Variants in DPP6 observed in about 807,000 individuals in gnomAD.
DPP6 encodes the protein A-type potassium channel modulatory protein DPP6.
A neutral mutation model predicts 122.6 loss-of-function variants in DPP6; 69 were observed. That is an observed-to-expected ratio of 0.56 (90% confidence interval 0.46 to 0.69). The LOEUF is 0.69. Among genes scored for constraint, DPP6 ranks in the 30% least tolerant of loss-of-function variants. The probability of loss-of-function intolerance (pLI) is 0.00; values close to 1 mark genes in which losing one functional copy is unlikely to be tolerated. For synonymous variants in DPP6, 418 were observed against 433.1 expected, an observed-to-expected ratio of 0.97 and a Z score of 0.43; for missense variants, 928 against 1,116.9, an observed-to-expected ratio of 0.83 and a Z score of 2.41.
At chr7:154,729,366 A>C (rs1000365097) in intron 8 of DPP6, among the ~76,000 whole-genome samples, 2 of 152,196 alleles carry the variant, frequency 1.3e-5, no homozygotes, top group South Asian at 2.1e-4. Flanking sequence ...GGCTTTATGC[A>C]TCATAAATTA....
chr7:154,752,150 G>T (rs1189591920), intron 8 of DPP6, among the ~76,000 whole-genome samples: 1 of 152,174 alleles, frequency 6.6e-6, no homozygotes, highest in Non-Finnish European at 1.5e-5. Flanking sequence ...GTCTGCTTGG[G>T]TGGGGGAGCC....
chr7:154,602,055 T>G (rs1032149823), intron 5 of DPP6, among the ~76,000 whole-genome samples: 6 of 121,390 alleles, frequency 4.9e-5, no homozygotes, highest in African/African-American at 1.6e-4. Flanking sequence ...CTTCTGATTT[T>G]TGGTTCAATT....
chr7:153,765,692 A>G, the DPP6 span, among the ~76,000 whole-genome samples: 1 of 152,250 alleles, frequency 6.6e-6, no homozygotes, highest in Non-Finnish European at 1.5e-5. Context: ...TTGAGGTTTC[A>G]GCAGAGTAGT....
intron 1 of DPP6, among the ~76,000 whole-genome samples, chr7:153,891,606 A>T (rs1042782395): frequency 6.6e-6 from 1 of 151,906 alleles, no homozygotes; most frequent in African/African-American, 2.4e-5. Context: ...AGAGGTATAT[A>T]CTCTTGCAAT....
chr7:154,158,357 T>A (rs1289987011), intron 1 of DPP6, among the ~76,000 whole-genome samples: 2 of 151,830 alleles, frequency 1.3e-5, no homozygotes, highest in Non-Finnish European at 2.9e-5. Flanking sequence ...TTATTTTAAT[T>A]CTGCATTCTG....
intron 1 of DPP6, among the ~76,000 whole-genome samples, chr7:154,024,367 T>C (rs1351923654): frequency 1.3e-5 from 2 of 152,210 alleles, no homozygotes; most frequent in South Asian, 2.1e-4. Context: ...TTGATAGTAA[T>C]TGAATAAATT....
intron 17 of DPP6, among the ~76,000 whole-genome samples, chr7:154,865,960 C>T (rs1403817028): frequency 6.6e-6 from 1 of 152,178 alleles, no homozygotes; most frequent in Non-Finnish European, 1.5e-5. Context: ...AACACTGATA[C>T]CTTGGCGAGG....
Position 154,380,256 on chromosome 7 carries a change from A to G in DPP6, c.244-65958A>G, listed in dbSNP as rs531669230. 1.9e-4 allele frequency among the ~76,000 whole-genome samples: 29 copies of G among 152,332 alleles called. No individual in the cohort carries two copies. In the South Asian group the frequency reaches 6.0e-3, roughly 32 times the overall value. On this transcript the variant is annotated intron_variant, in intron 1 of 25. Coordinates refer to ENST00000377770, the MANE Select transcript of DPP6 (RefSeq NM_130797.4). ...GTAAGAGTAGGGTTGTGTTAGAATA[A>G]AAGAAGGTCCACATTGGGAAACACA...
intron 1 of DPP6, among the ~76,000 whole-genome samples, chr7:154,325,604 G>A (rs1808380657): frequency 6.6e-6 from 1 of 152,150 alleles, no homozygotes; most frequent in Admixed American, 6.5e-5. Context: ...AAGAAATAGA[G>A]CAACCTTTCT....
intron 1 of DPP6, among the ~76,000 whole-genome samples, chr7:154,256,016 C>T (rs1234324865): frequency 6.6e-6 from 1 of 152,084 alleles, no homozygotes. Flanking sequence ...ATGAAAAGCA[C>T]AAAATGCTTT....
intron 7 of DPP6, among the ~76,000 whole-genome samples, chr7:154,716,879 G>A (rs1308461037): frequency 1.3e-5 from 2 of 152,102 alleles, no homozygotes; most frequent in Non-Finnish European, 2.9e-5. Flanking sequence ...TGTTGCCCAG[G>A]CTGCAGTGCA....
At chr7:154,739,830 C>G (rs1326744784) in intron 8 of DPP6, among the ~76,000 whole-genome samples, 1 of 152,168 alleles carries the variant, frequency 6.6e-6, no homozygotes, top group African/African-American at 2.4e-5. Context: ...TGGGAGAAAC[C>G]CCAGTGTCCC....
chr7:154,077,673 A>T (rs1228158567), intron 1 of DPP6, among the ~76,000 whole-genome samples: 10 of 139,368 alleles, frequency 7.2e-5, no homozygotes, highest in African/African-American at 2.3e-4. Flanking sequence ...TATTATTATT[A>T]TTATTTTTTT....
At chr7:153,947,563 T>C (rs1802007082) in intron 1 of DPP6, among the ~76,000 whole-genome samples, 1 of 151,902 alleles carries the variant, frequency 6.6e-6, no homozygotes, top group Non-Finnish European at 1.5e-5. Context: ...GAAGCCTTCC[T>C]AAGGCAGTGG....
intron 3 of DPP6, among the ~76,000 whole-genome samples, chr7:154,511,916 A>C (rs994404356): frequency 6.6e-6 from 1 of 152,228 alleles, no homozygotes; most frequent in African/African-American, 2.4e-5. Context: ...TTAAGTTACG[A>C]GTGAAGCACA....
chr7:153,781,024 T>C, the DPP6 span, among the ~76,000 whole-genome samples: 1 of 152,232 alleles, frequency 6.6e-6, no homozygotes, highest in South Asian at 2.1e-4. Flanking sequence ...ACATATTTAT[T>C]ATAACTACTT....
rs1018839775 is a variant in DPP6, at chr7:154,618,163, A to C, written c.628-19658A>C. Reference sequence around the variant, plus strand: ...TGCTGGAAGGTTCCAGAGCTGTATGATCCCGGAATTGTACCCTGTGAAAAA... The same window carrying C: ...TGCTGGAAGGTTCCAGAGCTGTATGCTCCCGGAATTGTACCCTGTGAAAAA... On this transcript the variant is annotated intron_variant, in intron 5 of 25. Transcript: ENST00000377770. The surrounding 1 kb of genome is among the most constrained non-coding windows in gnomAD (Gnocchi z 4.1). Among the ~76,000 whole-genome samples, 1 of 152,158 alleles carries C rather than the reference A, an allele frequency of 6.6e-6. No individual in the cohort carries two copies. The highest frequency in any genetic ancestry group is 1.5e-5 in the Non-Finnish European group (1 of 68,036).
intron 1 of DPP6, among the ~76,000 whole-genome samples, chr7:153,913,524 T>A (rs950607963): frequency 6.6e-6 from 1 of 152,184 alleles, no homozygotes; most frequent in African/African-American, 2.4e-5. Flanking sequence ...AATTTCTACC[T>A]CCCTGGGACT....
At chr7:154,179,965 G>A (rs577029561) in intron 1 of DPP6, among the ~76,000 whole-genome samples, 6 of 152,276 alleles carry the variant, frequency 3.9e-5, no homozygotes, top group Admixed American at 3.3e-4. Flanking sequence ...TTTAAAAATT[G>A]AGACTCTCAT....
Sources: allele counts gnomAD v4.1 joint callset (sites outside exome capture counted in the v4.1 genomes callset), GRCh38; gene constraint gnomAD v4.1.1; non-coding constraint Gnocchi (gnomAD v3.1); transcripts MANE v1.5; gene names NCBI Gene and HGNC (gene_info 2026-07-23, HGNC 2026-07-21).